CADPS: variants seen among roughly 807,000 people sequenced by gnomAD.
CADPS encodes the protein calcium dependent secretion activator.
A neutral mutation model predicts 167.3 loss-of-function variants in CADPS; 57 were observed. That is an observed-to-expected ratio of 0.34 (90% CI 0.28 to 0.42). CADPS has a LOEUF of 0.42. Among genes scored for constraint, CADPS ranks in the 20% least tolerant of loss-of-function variants. The pLI, the probability that CADPS is intolerant of heterozygous loss-of-function variation, is 1.00. For synonymous variants in CADPS, 676 were observed against 635.3 expected, an observed-to-expected ratio of 1.06 and a Z score of -0.96; for missense variants, 1,414 against 1,738.1, an observed-to-expected ratio of 0.81 and a Z score of 3.32.
chr3:62,512,266 C>T (rs897100802), intron 17 of CADPS, among the ~76,000 whole-genome samples: 4 of 152,132 alleles, frequency 2.6e-5, no homozygotes, highest in African/African-American at 7.2e-5. Flanking sequence ...AGCCCCTGTT[C>T]GGTCATCCTG....
At chr3:62,569,389 A>C (rs2080882648) in intron 9 of CADPS, among the ~76,000 whole-genome samples, 1 of 152,230 alleles carries the variant, frequency 6.6e-6, no homozygotes, top group South Asian at 2.1e-4. Context: ...GGCGTGAGCC[A>C]CCGTGCTGGG....
chr3:62,449,632 T>G (rs1380366638), intron 26 of CADPS, among the ~76,000 whole-genome samples: 1 of 152,198 alleles, frequency 6.6e-6, no homozygotes, highest in South Asian at 2.1e-4. Context: ...CACCAGGCAC[T>G]GTATCTAGAT....
At chr3:62,585,539 A>G (rs1346362250) in intron 7 of CADPS, among the ~76,000 whole-genome samples, 2 of 152,194 alleles carry the variant, frequency 1.3e-5, no homozygotes, top group African/African-American at 2.4e-5. Flanking sequence ...CATGAAAATC[A>G]TGATCTCTGT....
At chr3:62,495,295 A>G (rs941767677) in intron 18 of CADPS, among the ~76,000 whole-genome samples, 5 of 152,140 alleles carry the variant, frequency 3.3e-5, no homozygotes, top group African/African-American at 1.2e-4. Context: ...ATCAAACCTG[A>G]CTCTCCAAGA....
At chr3:62,838,997 C>T (rs2076272484) in intron 1 of CADPS, among the ~76,000 whole-genome samples, 1 of 152,166 alleles carries the variant, frequency 6.6e-6, no homozygotes, top group Admixed American at 6.5e-5. Flanking sequence ...GAACTCATGG[C>T]CTGGGTCAGG....
chr3:62,655,635 G>A (rs1412659753), intron 4 of CADPS, among the ~76,000 whole-genome samples: 1 of 152,066 alleles, frequency 6.6e-6, no homozygotes, highest in African/African-American at 2.4e-5. Context: ...GGATGAATGG[G>A]GTATGTATAA....
chr3:62,670,337 G>A (rs549975368), intron 3 of CADPS, among the ~76,000 whole-genome samples: 71 of 152,188 alleles, frequency 4.7e-4, no homozygotes, highest in African/African-American at 1.5e-3. Flanking sequence ...CATGGAGTTC[G>A]GTCTCCCATG....
chr3:62,399,157 C>A lies in CADPS; in HGVS notation c.*249G>T. The A allele has an allele frequency of 2.3e-6, 1 of 433,862 alleles. No homozygotes were observed. Among genetic ancestry groups the A allele is most frequent in the Non-Finnish European group, 4.2e-6 (1 of 236,552 alleles). 26.9% of individuals were successfully genotyped at this position (433,862 alleles called of 1,614,324 possible). ...ACGCCTAGTGGTTAGACTATGTATTCTCCATGAACAGTATTTAAAGAATGG... is the reference window on the plus strand; with the variant it reads ...ACGCCTAGTGGTTAGACTATGTATTATCCATGAACAGTATTTAAAGAATGG... On this transcript the variant is annotated 3_prime_UTR_variant, in exon 30 of 30. Transcript: ENST00000383710. This position sits in a 1 kb window ranked among gnomAD's most constrained non-coding sequence, Gnocchi z 5.6.
chr3:62,832,630 G>A (rs1011733693), intron 1 of CADPS, among the ~76,000 whole-genome samples: 13 of 152,332 alleles, frequency 8.5e-5, no homozygotes, highest in African/African-American at 2.4e-4. Context: ...ACTAAGAAAC[G>A]GAGAGCAGAG....
At chr3:62,709,073 G>C (rs1439993617) in intron 3 of CADPS, among the ~76,000 whole-genome samples, 1 of 152,080 alleles carries the variant, frequency 6.6e-6, no homozygotes, top group Non-Finnish European at 1.5e-5. Context: ...ACAGCTTCTA[G>C]ATTCCCTGTC....
At chr3:62,687,776 T>G (rs1019989767) in intron 3 of CADPS, among the ~76,000 whole-genome samples, 4 of 148,542 alleles carry the variant, frequency 2.7e-5, no homozygotes, top group Non-Finnish European at 6.0e-5. Context: ...CGCTTGCTTC[T>G]ATGGTAAAAA....
intron 6 of CADPS, 35 bp from the exon 7 acceptor site, chr3:62,592,783 A>G (rs2086341672): frequency 6.8e-7 from 1 of 1,475,842 alleles, no homozygotes; most frequent in Admixed American, 1.7e-5. Context: ...TTGTAGACAT[A>G]TCTGCCTTGA....
Position 62,603,537 on chromosome 3 carries a change from T to G in CADPS, c.1326-10789A>C, listed in dbSNP as rs146204603. 1.8e-4 allele frequency among the ~76,000 whole-genome samples: 28 copies of G among 152,306 alleles called. No individual in the cohort carries two copies. The East Asian group carries it at 4.3e-3, about 23-fold the overall frequency. ...AAGACCTGCATCTCAGTGCTTATTT[T>G]CTCACTAACTGTGTAACCTTGGCCA... On this transcript the variant is annotated intron_variant, in intron 6 of 29. Transcript: ENST00000383710.
chr3:62,565,502 C>T (rs62243522), intron 9 of CADPS, among the ~76,000 whole-genome samples: 10,977 of 152,142 alleles, frequency 0.072, 450 homozygotes, highest in Non-Finnish European at 0.092. Flanking sequence ...TTTATAAGTA[C>T]GGAATACTGG....
intron 3 of CADPS, among the ~76,000 whole-genome samples, chr3:62,724,667 T>G (rs1226168877): frequency 6.6e-6 from 1 of 152,220 alleles, no homozygotes; most frequent in Admixed American, 6.5e-5. Flanking sequence ...CTTCCTCATT[T>G]AGCAATGCAT....
chr3:62,735,694 A>T (rs1564475038), intron 3 of CADPS, among the ~76,000 whole-genome samples: 1 of 152,128 alleles, frequency 6.6e-6, no homozygotes, highest in African/African-American at 2.4e-5. Context: ...GCTCTTGCCA[A>T]TGGGATCTGA....
intron 6 of CADPS, among the ~76,000 whole-genome samples, chr3:62,594,877 G>A (rs893254913): frequency 1.3e-5 from 2 of 152,176 alleles, no homozygotes; most frequent in East Asian, 1.9e-4. Context: ...ATTTGGGAAC[G>A]AGAGTTCAAA....
At chr3:62,870,655 C>A (rs918096432) in intron 1 of CADPS, among the ~76,000 whole-genome samples, 1 of 152,082 alleles carries the variant, frequency 6.6e-6, no homozygotes, top group Non-Finnish European at 1.5e-5. Context: ...TTTCCCCCAT[C>A]ATGCACAGAC....
Position 62,465,481 on chromosome 3 carries a change from T to A in CADPS, c.3553-31A>T. On this transcript the variant is annotated intron_variant, in intron 25 of 29. Coordinates refer to ENST00000383710, the MANE Select transcript of CADPS (RefSeq NM_003716.4). This position sits in a 1 kb window ranked among gnomAD's most constrained non-coding sequence, Gnocchi z 4.1. The stretch of plus-strand genomic sequence containing the variant: ...AAAACAGCAAAAAAGAAAAAAATGT[T>A]ATTTCAAACTATAATTGTTCACCAT... 6.9e-7 allele frequency: 1 copy of A among 1,438,956 alleles called. No individual in the cohort carries two copies. The highest frequency in any genetic ancestry group is 1.2e-5 in the South Asian group (1 of 83,276). 89.1% of individuals were successfully genotyped at this position (1,438,956 alleles called of 1,614,324 possible).
Sources: gnomAD v4.1 joint callset for allele counts (sites outside exome capture counted in the v4.1 genomes callset) on GRCh38, gnomAD v4.1.1 for gene constraint, Gnocchi (gnomAD v3.1) non-coding constraint, MANE v1.5 for transcripts, NCBI Gene and HGNC (gene_info 2026-07-23, HGNC 2026-07-21) for gene names.